Variants in PHAX observed in about 807,000 individuals in gnomAD.
PHAX encodes the protein phosphorylated adapter RNA export protein.
A neutral mutation model predicts 41.6 loss-of-function variants in PHAX; 31 were observed. The ratio of observed to expected loss-of-function variants is 0.75; its 90% CI spans 0.56 to 1.01. The LOEUF is 1.01. PHAX is among the 50% of genes least tolerant of loss of function. The probability of loss-of-function intolerance (pLI) is 0.00; values close to 1 mark genes in which losing one functional copy is unlikely to be tolerated. For synonymous variants in PHAX, 175 were observed against 164.9 expected, an observed-to-expected ratio of 1.06 and a Z score of -0.47; for missense variants, 453 against 472.9, an observed-to-expected ratio of 0.96 and a Z score of 0.39.
intron 1 of PHAX, among the ~76,000 whole-genome samples, chr5:126,602,105 C>T (rs1751913361): frequency 1.3e-5 from 2 of 152,106 alleles, no homozygotes; most frequent in South Asian, 2.1e-4. Context: ...GCCACCTCGC[C>T]CGGCCTAATT....
chr5:126,609,899 A>C (rs1185542782), intron 3 of PHAX, among the ~76,000 whole-genome samples: 4 of 151,948 alleles, frequency 2.6e-5, no homozygotes, highest in African/African-American at 4.8e-5. Flanking sequence ...CACCACGCCC[A>C]GCTAGTTTTT....
At chr5:126,602,420 C>T (rs1751917944) in intron 1 of PHAX, among the ~76,000 whole-genome samples, 1 of 152,206 alleles carries the variant, frequency 6.6e-6, no homozygotes, top group Non-Finnish European at 1.5e-5. Flanking sequence ...GTGGAATTGG[C>T]ATGATGTACC....
chr5:126,608,492 T>C lies in PHAX; in HGVS notation c.831+8T>C, dbSNP rs765049434. On this transcript the variant is annotated splice_region_variant and intron_variant, in intron 3 of 4. Coordinates refer to ENST00000297540, the MANE Select transcript of PHAX (RefSeq NM_032177.4). The stretch of plus-strand genomic sequence containing the variant: ...GGTGGTCTCTTTATAATGGTAAGAC[T>C]GCTTAACTGTTTTTGTTTTTGTATT... The C allele has an allele frequency of 2.5e-6, 4 of 1,605,544 alleles. No individual in the cohort carries two copies. The highest frequency in any genetic ancestry group is 3.4e-6 in the Non-Finnish European group (4 of 1,176,174).
chr5:126,602,584 T>C (rs1281842216), intron 1 of PHAX, among the ~76,000 whole-genome samples: 1 of 152,248 alleles, frequency 6.6e-6, no homozygotes, highest in Non-Finnish European at 1.5e-5. Context: ...AAATACTTGC[T>C]TTTGCATATA....
Position 126,617,265 on chromosome 5 carries a change from A to G in PHAX, c.847A>G (p.Arg283Gly). 1 of 1,610,270 alleles carries G rather than the reference A, an allele frequency of 6.2e-7. No homozygotes were observed. The highest frequency in any genetic ancestry group is 8.5e-7 in the Non-Finnish European group (1 of 1,177,036). Residue 283 changes from arginine to glycine, a missense_variant, in exon 4 of 5, where the codon AGA becomes GGA. Arg to Gly is a moderately radical substitution (Grantham distance 125, BLOSUM62 -2). Coordinates refer to ENST00000297540, the MANE Select transcript of PHAX (RefSeq NM_032177.4). ...CTTTTTGTAGAATGGTAGTCGAAGAAGAACACCAGGTGGAGTTTTTCTGAA... is the reference window on the plus strand; with the variant it reads ...CTTTTTGTAGAATGGTAGTCGAAGAGGAACACCAGGTGGAGTTTTTCTGAA... ...GLFIMNGSRR[R>G]TPGGVFLNLL...
rs78977108 is a variant in PHAX, at chr5:126,609,743, G to T, written c.831+1259G>T. On this transcript the variant is annotated intron_variant, in intron 3 of 4. Coordinates refer to ENST00000297540, the MANE Select transcript of PHAX (RefSeq NM_032177.4). The stretch of plus-strand genomic sequence containing the variant: ...AAAAAAACAAAACACCCTTTTTTTT[G>T]TTTGTTTGTTTTTTGAGACGGAATC... 6.6e-3 allele frequency among the ~76,000 whole-genome samples: 978 copies of T among 148,034 alleles called. 4 individuals carry two copies. The highest frequency in any genetic ancestry group is 9.4e-3 in the Admixed American group (140 of 14,956).
At chr5:126,622,130 TTTTG>T (rs958286393) in intron 4 of PHAX, among the ~76,000 whole-genome samples, 6 of 151,740 alleles carry the variant, frequency 4.0e-5, no homozygotes, top group East Asian at 1.9e-4. Flanking sequence ...ATTTTTGTGT[TTTTG>T]TTTGTTTGTT....
At position 126,612,589 on chromosome 5, in the gene PHAX, T is replaced by C. The variant is rs529232159; in HGVS notation, c.831+4105T>C. Among the ~76,000 whole-genome samples the C allele has an allele frequency of 5.6e-4, 85 of 152,044 alleles. 1 individual carries two copies. Among genetic ancestry groups the C allele is most frequent in the South Asian group, 5.4e-3 (26 of 4,814 alleles). On this transcript the variant is annotated intron_variant, in intron 3 of 4. Coordinates refer to ENST00000297540, the MANE Select transcript of PHAX (RefSeq NM_032177.4). Reference sequence around the variant, plus strand: ...GGTGGTGTATGCCTGTAATCCCAGCTACTCAGGAGGCTGAGGCAGGAGAAT... The same window carrying C: ...GGTGGTGTATGCCTGTAATCCCAGCCACTCAGGAGGCTGAGGCAGGAGAAT...
At chr5:126,602,004 T>G (rs939323121) in intron 1 of PHAX, among the ~76,000 whole-genome samples, 4 of 152,030 alleles carry the variant, frequency 2.6e-5, no homozygotes, top group Non-Finnish European at 2.9e-5. Context: ...TGAGACGAGA[T>G]TTCTCCATGT....
At chr5:126,623,716 C>T (rs565738302) in intron 4 of PHAX, among the ~76,000 whole-genome samples, 1 of 152,238 alleles carries the variant, frequency 6.6e-6, no homozygotes, top group East Asian at 1.9e-4. Context: ...AACTATTTAG[C>T]ATAAATTTTA....
In PHAX at chr5:126,624,655, A is replaced by G. The variant is rs538562522; in HGVS notation, c.996A>G (p.Lys332=). Residue 332 remains lysine, a synonymous_variant, in exon 5 of 5, where the codon AAA becomes AAG. Coordinates refer to ENST00000297540, the MANE Select transcript of PHAX (RefSeq NM_032177.4). ...AGAGGAGAACACAAGTGTTGGGGAA[A>G]AAGATGAAACAAGCTATTAAAAGTC... ...ARKRRTQVLG[K]KMKQAIKSLN... is the part of the protein sequence containing the mutation. 3 of 1,614,004 alleles carry G rather than the reference A, an allele frequency of 1.9e-6. No homozygotes were observed. Among genetic ancestry groups the G allele is most frequent in the African/African-American group, 1.3e-5 (1 of 75,068 alleles).
intron 3 of PHAX, among the ~76,000 whole-genome samples, chr5:126,612,675 T>C (rs1475768555): frequency 2.6e-5 from 4 of 152,268 alleles, no homozygotes; most frequent in African/African-American, 9.6e-5. Context: ...GACTCCAGCC[T>C]GGGCAACAAG....
chr5:126,609,095 A>ATTTTTTTTTTTTTTTTTT lies in PHAX; in HGVS notation c.831+617_831+634dup. Among the ~76,000 whole-genome samples the ATTTTTTTTTTTTTTTTTT allele has an allele frequency of 2.5e-3, 251 of 101,226 alleles. 38 individuals carry two copies. The highest frequency in any genetic ancestry group is 0.012 in the African/African-American group (242 of 20,990). The allele number at this position is 101,226 out of a possible 152,430, so 66.4% of individuals were successfully genotyped here. A position where few individuals can be genotyped will look rare whatever the true frequency, so the allele number is the denominator to read the frequency against. On this transcript the variant is annotated intron_variant, in intron 3 of 4. Transcript: ENST00000297540. ...ATGATTTGTTAAAGGTAGGGGTTGA[A>ATTTTTTTTTTTTTTTTTT]TTTTTTTTTTTTTTTTTTTTTTTGA... is the stretch of plus-strand genomic sequence containing the variant.
At chr5:126,615,567 A>G (rs1752171558) in intron 3 of PHAX, among the ~76,000 whole-genome samples, 1 of 142,146 alleles carries the variant, frequency 7.0e-6, no homozygotes, top group Non-Finnish European at 1.5e-5. Flanking sequence ...TGGCCCCTCC[A>G]AGGGTAGTGC....
rs1371013229 is a variant in PHAX, at chr5:126,624,870, A to G, written c.*26A>G. The G allele has an allele frequency of 1.3e-6, 2 of 1,565,606 alleles. No individual in the cohort carries two copies. Among genetic ancestry groups the G allele is most frequent in the South Asian group, 2.4e-5 (2 of 83,818 alleles). On this transcript the variant is annotated 3_prime_UTR_variant, in exon 5 of 5. Coordinates refer to ENST00000297540, the MANE Select transcript of PHAX (RefSeq NM_032177.4). ...GTACATTTTCAACAGTTTGAGGACT[A>G]AGCCTTTCTAAAATAACATTGTAAT... is the stretch of plus-strand genomic sequence containing the variant.
Position 126,625,917 on chromosome 5 carries a change from G to C in PHAX, c.*1073G>C, listed in dbSNP as rs919976105. 6.6e-6 allele frequency: 1 copy of C among 152,074 alleles called. No individual in the cohort carries two copies. The highest frequency in any genetic ancestry group is 1.5e-5 in the Non-Finnish European group (1 of 68,056). The allele number at this position is 152,074 out of a possible 1,614,324, so 9.4% of individuals were successfully genotyped here. ...TCGCCATGTTGTCCAGGCTGGTCTC[G>C]AACTCCTGGCCTAATGATCTGCCCA... On this transcript the variant is annotated 3_prime_UTR_variant, in exon 5 of 5. Transcript: ENST00000297540.
chr5:126,620,774 C>G (rs1373530427), intron 4 of PHAX, among the ~76,000 whole-genome samples: 3 of 152,110 alleles, frequency 2.0e-5, no homozygotes, highest in African/African-American at 4.8e-5. Context: ...GAGTCTCACT[C>G]TGTCCCCTAG....
At position 126,608,448 on chromosome 5, in the gene PHAX, C is replaced by T. The variant is rs1029991886; in HGVS notation, c.795C>T (p.Thr265=). Residue 265 remains threonine (T), a synonymous_variant, in exon 3 of 5, where the codon ACC becomes ACT. Transcript: ENST00000297540. ...NKKAIELLME[T]AEVEQNGGLF... is the part of the protein sequence containing the mutation. ...AGGCAATTGAACTTCTGATGGAAAC[C>T]GCTGAAGTTGAACAAAATGGTGGTC... The T allele has an allele frequency of 1.4e-5, 23 of 1,613,648 alleles. No individual in the cohort carries two copies. The East Asian group carries it at 4.0e-4, about 28-fold the overall frequency.
chr5:126,609,064 TC>T (rs1752037091), intron 3 of PHAX, among the ~76,000 whole-genome samples: 1 of 151,248 alleles, frequency 6.6e-6, no homozygotes, highest in South Asian at 2.1e-4. Context: ...CCAAAACATT[TC>T]TTACATGATT....
Sources: gnomAD v4.1 joint callset for allele counts (sites outside exome capture counted in the v4.1 genomes callset) on GRCh38, gnomAD v4.1.1 for gene constraint, MANE v1.5 for transcripts, NCBI Gene and HGNC (gene_info 2026-07-23, HGNC 2026-07-21) for gene names.